PAPSS1: variants seen among roughly 807,000 people sequenced by gnomAD.
PAPSS1 encodes 3'-phosphoadenosine 5'-phosphosulfate synthase 1.
PAPSS1 carries 50 observed loss-of-function variants against 72.0 expected under a neutral mutation model. The observed-to-expected ratio is 0.69, with a 90% CI of 0.55 to 0.88. The LOEUF is 0.88. Among genes scored for constraint, PAPSS1 ranks in the 40% least tolerant of loss-of-function variants. The probability of loss-of-function intolerance (pLI) is 0.00; values close to 1 mark genes in which losing one functional copy is unlikely to be tolerated. For missense variants in PAPSS1, 657 were observed against 782.2 expected, an observed-to-expected ratio of 0.84 and a Z score of 1.91; for synonymous variants, 261 against 263.6, an observed-to-expected ratio of 0.99 and a Z score of 0.09.
At chr4:107,644,188 C>T (rs1726633100) in intron 10 of PAPSS1, among the ~76,000 whole-genome samples, 1 of 152,132 alleles carries the variant, frequency 6.6e-6, no homozygotes, top group South Asian at 2.1e-4. Context: ...CGGTTCAGGA[C>T]ACACTACTCC....
At chr4:107,618,384 T>C (rs1279356373) in intron 11 of PAPSS1, among the ~76,000 whole-genome samples, 1 of 151,912 alleles carries the variant, frequency 6.6e-6, no homozygotes, top group African/African-American at 2.4e-5. Flanking sequence ...TTTTTTTTTT[T>C]TTTTAAGGAA....
chr4:107,627,480 T>G (rs998703603), intron 11 of PAPSS1, among the ~76,000 whole-genome samples: 7 of 152,186 alleles, frequency 4.6e-5, no homozygotes, highest in African/African-American at 1.7e-4. Context: ...GTATGTTTTA[T>G]AGATCTGTAG....
rs1026612932 is a variant in PAPSS1, at chr4:107,654,844, C to G, written c.952G>C (p.Glu318Gln). ...IVLTATHEDKERLDGCTAFAL... is the reference protein window; with the variant it reads ...IVLTATHEDKQRLDGCTAFAL... ...AATGCTGTACAGCCGTCCAGCCTCT[C>G]TTTATCTTCATGAGTCGCAGTCAGA... is the stretch of plus-strand genomic sequence containing the variant. The change falls in exon 8 of 12, where the codon GAG becomes CAG. Residue 318 changes from glutamate (E) to glutamine (Q), a missense_variant. This residue lies in a region of PAPSS1 where 190 missense variants were observed against 176.7 expected (regional missense o/e 1.07). Transcript: ENST00000265174. 2.5e-6 allele frequency: 4 copies of G among 1,613,942 alleles called. No individual in the cohort carries two copies. Among genetic ancestry groups the G allele is most frequent in the Admixed American group, 1.7e-5 (1 of 59,994 alleles).
intron 11 of PAPSS1, among the ~76,000 whole-genome samples, chr4:107,629,770 T>A (rs761988702): frequency 6.6e-6 from 1 of 152,204 alleles, no homozygotes; most frequent in Non-Finnish European, 1.5e-5. Context: ...ATTTTGCTTG[T>A]TGACTTTCTG....
chr4:107,622,868 G>A (rs1425721706), intron 11 of PAPSS1, among the ~76,000 whole-genome samples: 1 of 152,182 alleles, frequency 6.6e-6, no homozygotes, highest in Non-Finnish European at 1.5e-5. Flanking sequence ...CCCATTACCT[G>A]TGGAATTACA....
chr4:107,718,496 C>T (rs1723692750), intron 1 of PAPSS1: 5 of 152,262 alleles, frequency 3.3e-5, no homozygotes, highest in African/African-American at 1.2e-4. Context: ...TCCCAAAACG[C>T]CCAGGCGAAA....
At chr4:107,719,774 C>CAGGTTTCAGCACCCGG (rs1475540857) in intron 1 of PAPSS1, 20 of 1,139,002 alleles carry the variant, frequency 1.8e-5, no homozygotes, top group South Asian at 2.4e-5. Context: ...TCTGCAGCCG[C>CAGGTTTCAGCACCCGG]AGGTTTCAGC....
At chr4:107,626,020 T>TA (rs951973907) in intron 11 of PAPSS1, among the ~76,000 whole-genome samples, 2 of 147,086 alleles carry the variant, frequency 1.4e-5, no homozygotes, top group African/African-American at 2.5e-5. Flanking sequence ...CTACTAAAAA[T>TA]AAAAAAAAAT....
At chr4:107,626,540 T>G (rs1319106387) in intron 11 of PAPSS1, among the ~76,000 whole-genome samples, 1 of 152,220 alleles carries the variant, frequency 6.6e-6, no homozygotes, top group Admixed American at 6.5e-5. Flanking sequence ...AATTTGAACC[T>G]CCTTAACTTT....
At chr4:107,695,281 T>C (rs1157011174) in intron 2 of PAPSS1, among the ~76,000 whole-genome samples, 1 of 152,218 alleles carries the variant, frequency 6.6e-6, no homozygotes, top group Non-Finnish European at 1.5e-5. Flanking sequence ...ATTCATGATT[T>C]GGCTCTCTGC....
At chr4:107,648,853 T>C (rs1348807302) in intron 9 of PAPSS1, among the ~76,000 whole-genome samples, 11 of 152,180 alleles carry the variant, frequency 7.2e-5, no homozygotes, top group Admixed American at 5.9e-4. Context: ...TATCATAAAC[T>C]AACAGTCTTT....
In PAPSS1 at chr4:107,653,496, T is replaced by C. The variant is rs766298315; in HGVS notation, c.1232A>G (p.Asn411Ser). Residue 411 changes from asparagine to serine, a missense_variant, in exon 9 of 12, where the codon AAT becomes AGT. Transcript: ENST00000265174. ...TELKQKFKDM[N>S]ADAVFAFQLR... ...TAATTAAATCCATGTCTTACCAGCA[T>C]TCATATCTTTAAATTTCTGCTTTAG... 6.2e-7 allele frequency: 1 copy of C among 1,611,388 alleles called. No homozygotes were observed. Among genetic ancestry groups the C allele is most frequent in the South Asian group, 1.1e-5 (1 of 90,266 alleles).
In PAPSS1 at chr4:107,720,161, G is replaced by C. The variant is rs1127006; in HGVS notation, c.19C>G (p.Leu7Val). ...TTGCTCAGTTTGACTTTCTTGCACA[G>C]GCTCCCGGGGATCTCCATGACCGCG... MEIPGS[L>V]CKKVKLSNNA... Residue 7 changes from leucine to valine, a missense_variant, in exon 1 of 12, where the codon CTG becomes GTG. Physicochemically the swap from Leu to Val is conservative, Grantham distance 32 (BLOSUM62 1). Coordinates refer to ENST00000265174, the MANE Select transcript of PAPSS1 (RefSeq NM_005443.5). The C allele has an allele frequency of 6.2e-7, 1 of 1,604,644 alleles. No individual in the cohort carries two copies. Among genetic ancestry groups the C allele is most frequent in the Non-Finnish European group, 8.5e-7 (1 of 1,176,138 alleles).
chr4:107,718,282 T>A (rs3805350), intron 1 of PAPSS1: 74,809 of 152,004 alleles, frequency 0.49, 19,871 homozygotes, highest in South Asian at 0.64. Flanking sequence ...TAGAATCAAG[T>A]CTTCTCTGCA....
chr4:107,708,951 T>C (rs897625524), intron 1 of PAPSS1, among the ~76,000 whole-genome samples: 3 of 152,204 alleles, frequency 2.0e-5, no homozygotes, highest in African/African-American at 7.2e-5. Context: ...GTTCAAACCA[T>C]GTTCAAATAA....
intron 5 of PAPSS1, among the ~76,000 whole-genome samples, chr4:107,675,995 TA>T (rs925350700): frequency 2.0e-5 from 3 of 152,082 alleles, no homozygotes; most frequent in African/African-American, 7.2e-5. Context: ...TGCGTCACGC[TA>T]AAACTCTCAA....
At chr4:107,673,878 G>C (rs1201215790) in intron 5 of PAPSS1, among the ~76,000 whole-genome samples, 6 of 152,208 alleles carry the variant, frequency 3.9e-5, no homozygotes, top group African/African-American at 1.4e-4. Flanking sequence ...CCAGAAGAGA[G>C]TGGGGGCCAA....
At chr4:107,672,085 G>A (rs534476809) in intron 5 of PAPSS1, among the ~76,000 whole-genome samples, 1 of 152,162 alleles carries the variant, frequency 6.6e-6, no homozygotes, top group African/African-American at 2.4e-5. Context: ...ATGGAGGTGG[G>A]TGGTGCCAAG....
intron 5 of PAPSS1, among the ~76,000 whole-genome samples, chr4:107,673,593 A>G (rs1470610921): frequency 6.6e-6 from 1 of 152,192 alleles, no homozygotes; most frequent in African/African-American, 2.4e-5. Context: ...TGATTGGTGT[A>G]GCTGAAAGTG....
Sources: gnomAD v4.1 joint callset for allele counts (sites outside exome capture counted in the v4.1 genomes callset) on GRCh38, gnomAD v4.1.1 for gene constraint, gnomAD v4.1.1 regional missense constraint, MANE v1.5 for transcripts, NCBI Gene and HGNC (gene_info 2026-07-23, HGNC 2026-07-21) for gene names.